Variants in RUBCN observed in about 807,000 individuals in gnomAD.
RUBCN encodes rubicon autophagy regulator.
RUBCN carries 74 observed loss-of-function variants against 113.2 expected under a neutral mutation model. The observed-to-expected ratio is 0.65, with a 90% CI of 0.54 to 0.79. The LOEUF (loss-of-function observed/expected upper bound fraction) is 0.79, where lower values mean the gene tolerates loss of function less well. Among genes scored for constraint, RUBCN ranks in the 30% least tolerant of loss-of-function variants. The probability of loss-of-function intolerance (pLI) is 0.00; values close to 1 mark genes in which losing one functional copy is unlikely to be tolerated. For synonymous variants in RUBCN, 480 were observed against 490.0 expected (o/e 0.98, Z 0.27); for missense variants, 1,109 against 1,251.7 (o/e 0.89, Z 1.72).
intron 11 of RUBCN, chr3:197,691,196 A>G (rs1465819974): frequency 7.5e-6 from 7 of 929,542 alleles, no homozygotes; most frequent in Non-Finnish European, 9.1e-6. Context: ...TCCAGCAGGA[A>G]ATAAACTAAT....
intron 7 of RUBCN, 138 bp downstream of exon 7, chr3:197,700,475 C>A (rs1723518278): frequency 1.3e-6 from 1 of 792,096 alleles, no homozygotes; most frequent in Admixed American, 2.5e-5. Flanking sequence ...TTATAAACTT[C>A]TTTCATTACA....
intron 2 of RUBCN, among the ~76,000 whole-genome samples, chr3:197,711,873 T>A (rs1053118106): frequency 3.7e-4 from 57 of 152,198 alleles, no homozygotes; most frequent in African/African-American, 1.3e-3. Flanking sequence ...ATGTTTTTTT[T>A]AAAACACATA....
chr3:197,738,569 G>T (rs1350277491), upstream of RUBCN, among the ~76,000 whole-genome samples: 1 of 152,090 alleles, frequency 6.6e-6, no homozygotes, highest in East Asian at 1.9e-4. Context: ...TACTCATTGG[G>T]ATTTCTCTTC....
chr3:197,680,155 C>T (rs1721038029), intron 16 of RUBCN, among the ~76,000 whole-genome samples: 1 of 121,250 alleles, frequency 8.2e-6, no homozygotes, highest in Non-Finnish European at 1.8e-5. Context: ...TGGCTCCAGA[C>T]TGTCCTACGC....
intron 4 of RUBCN, 25 bp downstream of exon 4, chr3:197,704,517 A>C (rs1322593635): frequency 1.7e-5 from 27 of 1,608,920 alleles, no homozygotes; most frequent in Non-Finnish European, 2.3e-5. Flanking sequence ...AGCACAGATG[A>C]CAGTCCTAAG....
intron 2 of RUBCN, among the ~76,000 whole-genome samples, chr3:197,711,764 A>G (rs1724992329): frequency 6.6e-6 from 1 of 152,178 alleles, no homozygotes; most frequent in African/African-American, 2.4e-5. Flanking sequence ...TTTTCACTGT[A>G]TAGTTTTATA....
In RUBCN at chr3:197,713,377, G is replaced by A. The variant is rs569747843; in HGVS notation, c.219+4600C>T. Among the ~76,000 whole-genome samples, 8 of 152,270 alleles carry A rather than the reference G, an allele frequency of 5.3e-5. No individual in the cohort carries two copies. The South Asian group carries it at 1.7e-3, about 32-fold the overall frequency. On this transcript the variant is annotated intron_variant, in intron 2 of 19. Transcript: ENST00000296343. Reference sequence around the variant, plus strand: ...GAACCCATTTGCTATTAGGACACAAGTACCTGACCCATTGAGTGGCAGTGC... The same window carrying A: ...GAACCCATTTGCTATTAGGACACAAATACCTGACCCATTGAGTGGCAGTGC...
intron 1 of RUBCN, among the ~76,000 whole-genome samples, chr3:197,725,210 C>A (rs1393773827): frequency 1.3e-5 from 2 of 152,036 alleles, no homozygotes; most frequent in Non-Finnish European, 2.9e-5. Flanking sequence ...ATGGGTTCCT[C>A]CTTCAGGTAG....
rs1482506575 is a variant in RUBCN at position 197,671,621 on chromosome 3, A to C, written c.*3397T>G. The C allele has an allele frequency of 6.6e-6, 1 of 152,206 alleles. No homozygotes were observed. The highest frequency in any genetic ancestry group is 2.4e-5 in the African/African-American group (1 of 41,442). 9.4% of individuals were successfully genotyped at this position (152,206 alleles called of 1,614,324 possible). ...CACACTGGTTGGAGATGACAAGGGG[A>C]CATTTAAGGGGAAATGTTGAGAGAG... On this transcript the variant is annotated 3_prime_UTR_variant, in exon 20 of 20. Coordinates refer to ENST00000296343, the MANE Select transcript of RUBCN (RefSeq NM_014687.4).
intron 4 of RUBCN, 89 bp from the exon 5 acceptor site, chr3:197,703,743 G>T: frequency 2.5e-6 from 2 of 793,046 alleles, no homozygotes; most frequent in Non-Finnish European, 4.4e-6. Context: ...AGGTAAGGAT[G>T]AATGAGGAGG....
At chr3:197,703,700 C>A (rs573623618) in intron 4 of RUBCN, 46 bp from the exon 5 acceptor site, 1 of 1,256,866 alleles carries the variant, frequency 8.0e-7, no homozygotes, top group South Asian at 1.2e-5. Context: ...ATCAGGGAGG[C>A]CTTGAGAGAA....
At chr3:197,734,261 A>G (rs1482925545) in intron 1 of RUBCN, among the ~76,000 whole-genome samples, 1 of 151,402 alleles carries the variant, frequency 6.6e-6, no homozygotes. Context: ...TATCTCAAAA[A>G]AAAAAAAAAA....
chr3:197,693,757 C>CA lies in RUBCN; in HGVS notation c.1743dup (p.Asp582Ter). 6 of 1,614,080 alleles carry CA rather than the reference C, an allele frequency of 3.7e-6. No individual in the cohort carries two copies. The highest frequency in any genetic ancestry group is 4.2e-6 in the Non-Finnish European group (5 of 1,179,938). On this transcript the variant is annotated frameshift_variant, in exon 11 of 20. Coordinates refer to ENST00000296343, the MANE Select transcript of RUBCN (RefSeq NM_014687.4). LOFTEE classifies it high-confidence loss of function. ...TCAACCTCATCAGCAGAGCCAGAGT[C>CA]AGAGAGCTGTGCCGAATCACGTGAG...
At chr3:197,735,965 A>C (rs1045433958) in intron 1 of RUBCN, among the ~76,000 whole-genome samples, 4 of 152,204 alleles carry the variant, frequency 2.6e-5, no homozygotes, top group Non-Finnish European at 5.9e-5. Flanking sequence ...ATATAAATAA[A>C]TGTGAACTTG....
intron 1 of RUBCN, among the ~76,000 whole-genome samples, chr3:197,718,716 G>C (rs1349591659): frequency 6.6e-6 from 1 of 152,160 alleles, no homozygotes; most frequent in African/African-American, 2.4e-5. Flanking sequence ...TGGGATTACA[G>C]ATGTAATCCA....
Position 197,695,878 on chromosome 3 carries a change from G to A in RUBCN, c.1461C>T (p.Ala487=), listed in dbSNP as rs374339399. The stretch of plus-strand genomic sequence containing the variant: ...CTCGATTTCCCACCTTTTCCAGGTC[G>A]GCACAGCTGCCGAAGTCTTGCTCAG... ...YLSEQDFGSC[A]DLEKENAHFS... Residue 487 remains alanine, a synonymous_variant, in exon 9 of 20, where the codon GCC becomes GCT. Transcript: ENST00000296343. 158 of 1,613,890 alleles carry A rather than the reference G, an allele frequency of 9.8e-5. No individual in the cohort carries two copies. The highest frequency in any genetic ancestry group is 3.3e-4 in the Middle Eastern group (2 of 6,084).
At chr3:197,682,744 G>T in intron 13 of RUBCN, 129 bp from the exon 14 acceptor site, 3 of 1,229,844 alleles carry the variant, frequency 2.4e-6, no homozygotes, top group South Asian at 1.3e-5. Flanking sequence ...GGACGGGCTT[G>T]AGAAACAGAA....
At chr3:197,705,446 T>A (rs890443846) in intron 2 of RUBCN, among the ~76,000 whole-genome samples, 1 of 151,610 alleles carries the variant, frequency 6.6e-6, no homozygotes, top group African/African-American at 2.4e-5. Context: ...CATGCCTTAG[T>A]CCCAGCTACT....
intron 11 of RUBCN, among the ~76,000 whole-genome samples, chr3:197,692,134 G>A (rs559557036): frequency 7.9e-5 from 12 of 152,062 alleles, no homozygotes; most frequent in African/African-American, 2.2e-4. Flanking sequence ...GAGGGGAGAG[G>A]GATCGAAGAC....
Sources: allele counts gnomAD v4.1 joint callset (sites outside exome capture counted in the v4.1 genomes callset), GRCh38; gene constraint gnomAD v4.1.1; transcripts MANE v1.5; gene names NCBI Gene and HGNC (gene_info 2026-07-23, HGNC 2026-07-21).